Variants in RTN3 observed in about 807,000 individuals in gnomAD.
RTN3 encodes the protein reticulon 3.
A neutral mutation model predicts 77.8 loss-of-function variants in RTN3; 49 were observed. The ratio of observed to expected loss-of-function variants is 0.63; its 90% CI spans 0.50 to 0.80. The LOEUF (loss-of-function observed/expected upper bound fraction) is 0.80. Ranked by LOEUF, RTN3 falls within the 30% of genes least tolerant of loss-of-function variation. The probability of loss-of-function intolerance (pLI) is 0.00; values close to 1 mark genes in which losing one functional copy is unlikely to be tolerated. For missense variants in RTN3, 1,236 were observed against 1,211.9 expected (o/e 1.02, Z -0.29); for synonymous variants, 464 against 446.9 (o/e 1.04, Z -0.48).
chr11:63,709,658 A>C (rs1364968695), intron 2 of RTN3, among the ~76,000 whole-genome samples: 3 of 151,972 alleles, frequency 2.0e-5, no homozygotes, highest in Non-Finnish European at 4.4e-5. Flanking sequence ...TGGCTGCAGA[A>C]TGTCTGCTGG....
At chr11:63,742,954 C>T (rs2013574535) in intron 3 of RTN3, among the ~76,000 whole-genome samples, 1 of 152,198 alleles carries the variant, frequency 6.6e-6, no homozygotes, top group Admixed American at 6.5e-5. Flanking sequence ...GATCTCAGCT[C>T]GCTGCAACCT....
intron 2 of RTN3, among the ~76,000 whole-genome samples, chr11:63,711,348 C>T (rs563777671): frequency 4.0e-5 from 6 of 150,840 alleles, no homozygotes; most frequent in Non-Finnish European, 7.4e-5. Context: ...GTTAAGTTCT[C>T]TTGTGGGGTT....
chr11:63,723,402 TTTTA>T (rs780262784), intron 3 of RTN3, among the ~76,000 whole-genome samples: 62 of 151,498 alleles, frequency 4.1e-4, no homozygotes, highest in South Asian at 1.9e-3. Flanking sequence ...CAGTGTCTAG[TTTTA>T]TTTATTTATC....
chr11:63,690,205 A>G (rs1941582487), intron 1 of RTN3, among the ~76,000 whole-genome samples: 1 of 152,214 alleles, frequency 6.6e-6, no homozygotes, highest in African/African-American at 2.4e-5. Context: ...ATGGAAGGAC[A>G]TTCTGGAAAA....
intron 3 of RTN3, among the ~76,000 whole-genome samples, chr11:63,745,958 G>A (rs887470861): frequency 3.3e-5 from 5 of 152,080 alleles, no homozygotes; most frequent in Non-Finnish European, 7.4e-5. Context: ...GTACAGGCAC[G>A]CACCACCATG....
rs545204096 is a variant in RTN3, at chr11:63,732,101, A to G, written c.2530+11069A>G. Among the ~76,000 whole-genome samples, 5 of 152,326 alleles carry G rather than the reference A, an allele frequency of 3.3e-5. No homozygotes were observed. In the South Asian group the frequency reaches 1.0e-3, roughly 32 times the overall value. On this transcript the variant is annotated intron_variant, in intron 3 of 8. Coordinates refer to ENST00000377819, the MANE Select transcript of RTN3 (RefSeq NM_001265589.2). ...GAGCTGAAATCAATGGAATAAAAAA[A>G]CAAACAATAGAAAAAATTAACAAAG...
intron 3 of RTN3, among the ~76,000 whole-genome samples, chr11:63,741,385 A>C (rs931025360): frequency 6.6e-6 from 1 of 150,972 alleles, no homozygotes; most frequent in African/African-American, 2.5e-5. Flanking sequence ...TATTTTTAGT[A>C]GAGAGGGGGT....
intron 3 of RTN3, among the ~76,000 whole-genome samples, chr11:63,726,054 GA>G (rs35789830): frequency 1.3e-5 from 2 of 151,814 alleles, no homozygotes; most frequent in East Asian, 1.9e-4. Flanking sequence ...ATTCCATAAA[GA>G]AAAAAAATGA....
chr11:63,703,214 G>A (rs2134719878), intron 1 of RTN3, among the ~76,000 whole-genome samples: 1 of 152,224 alleles, frequency 6.6e-6, no homozygotes, highest in South Asian at 2.1e-4. Flanking sequence ...AAAGTATAAG[G>A]GATGATGTGT....
chr11:63,758,414 A>G lies in RTN3; in HGVS notation c.*213A>G. On this transcript the variant is annotated 3_prime_UTR_variant, in exon 9 of 9. Coordinates refer to ENST00000377819, the MANE Select transcript of RTN3 (RefSeq NM_001265589.2). ...TGATAAAAGAACTATCTTAGAACTC[A>G]GAAGAAGAAAGAATCAAATTCATAG... 1 of 1,344,552 alleles carries G rather than the reference A, an allele frequency of 7.4e-7. No individual in the cohort carries two copies. Among genetic ancestry groups the G allele is most frequent in the Non-Finnish European group, 1.0e-6 (1 of 980,522 alleles). 83.3% of individuals were successfully genotyped at this position (1,344,552 alleles called of 1,614,324 possible).
intron 3 of RTN3, among the ~76,000 whole-genome samples, chr11:63,748,352 CT>C (rs112993177): frequency 3.4e-3 from 473 of 138,614 alleles, no homozygotes; most frequent in Middle Eastern, 3.7e-3. Context: ...GCCCCACTCA[CT>C]TTTTTTTTTT....
At chr11:63,726,362 C>G (rs1209567316) in intron 3 of RTN3, among the ~76,000 whole-genome samples, 1 of 152,176 alleles carries the variant, frequency 6.6e-6, no homozygotes, top group East Asian at 1.9e-4. Context: ...CTTAAACCTT[C>G]ATAGAAAACC....
At chr11:63,689,106 A>G (rs1411913761) in intron 1 of RTN3, among the ~76,000 whole-genome samples, 1 of 152,228 alleles carries the variant, frequency 6.6e-6, no homozygotes, top group Non-Finnish European at 1.5e-5. Context: ...TTAGCCTCCT[A>G]AAGTATACAA....
intron 1 of RTN3, among the ~76,000 whole-genome samples, chr11:63,686,436 A>C (rs940527052): frequency 2.8e-5 from 4 of 145,340 alleles, no homozygotes; most frequent in Non-Finnish European, 4.5e-5. Context: ...GCACCACTGC[A>C]CTCCGGCCTG....
At position 63,750,154 on chromosome 11, in the gene RTN3, C is replaced by T. The variant is rs763153224; in HGVS notation, c.2694C>T (p.Ser898=). ...SVTISFRIYK[S]VIQAVQKSEE... is the part of the protein sequence containing the mutation. ...CCATCAGCTTCAGGATCTACAAGTC[C>T]GTCATCCAAGCTGTACAGAAGTCAG... The change falls in exon 4 of 9, where the codon TCC becomes TCT. Residue 898 remains serine (S), a synonymous_variant. Transcript: ENST00000377819. The T allele has an allele frequency of 1.7e-5, 27 of 1,612,600 alleles. No homozygotes were observed. Among genetic ancestry groups the T allele is most frequent in the South Asian group, 7.7e-5 (7 of 90,710 alleles).
chr11:63,749,508 C>T (rs2013988393), intron 3 of RTN3, among the ~76,000 whole-genome samples: 1 of 152,074 alleles, frequency 6.6e-6, no homozygotes, highest in Non-Finnish European at 1.5e-5. Flanking sequence ...ATTTATAGGC[C>T]TGGTTTGCAT....
intron 2 of RTN3, among the ~76,000 whole-genome samples, chr11:63,711,137 G>A (rs1051732105): frequency 2.0e-5 from 3 of 151,934 alleles, no homozygotes; most frequent in African/African-American, 7.3e-5. Flanking sequence ...AAAATTAGCT[G>A]GGTATGGTGG....
intron 1 of RTN3, among the ~76,000 whole-genome samples, chr11:63,687,578 C>T (rs540913496): frequency 1.3e-5 from 2 of 151,596 alleles, no homozygotes; most frequent in African/African-American, 4.8e-5. Context: ...CCATTGCACT[C>T]CAGCCTGAGC....
chr11:63,693,988 T>G (rs1325276001), intron 1 of RTN3, among the ~76,000 whole-genome samples: 1 of 151,956 alleles, frequency 6.6e-6, no homozygotes, highest in Non-Finnish European at 1.5e-5. Context: ...GGTGTGGTGG[T>G]ATATGCCTGT....
Sources: gnomAD v4.1 joint callset for allele counts (sites outside exome capture counted in the v4.1 genomes callset) on GRCh38, gnomAD v4.1.1 for gene constraint, MANE v1.5 for transcripts, NCBI Gene and HGNC (gene_info 2026-07-23, HGNC 2026-07-21) for gene names.